The following DOT1L variants were observed in gnomAD, a reference collection of about 807,000 sequenced individuals.
DOT1L encodes the protein histone-lysine N-methyltransferase, H3 lysine-79 specific.
A neutral mutation model predicts 153.3 loss-of-function variants in DOT1L; 33 were observed. The observed-to-expected ratio is 0.22, with a 90% CI of 0.16 to 0.29. The LOEUF is 0.29. DOT1L is among the 10% of genes least tolerant of loss of function. The pLI is 1.00. For synonymous variants in DOT1L, 1,135 were observed against 965.1 expected (o/e 1.18, Z -3.26); for missense variants, 1,847 against 2,119.9 (o/e 0.87, Z 2.53).
intron 2 of DOT1L, among the ~76,000 whole-genome samples, chr19:2,181,927 T>C (rs1260378944): frequency 1.3e-5 from 2 of 152,106 alleles, no homozygotes; most frequent in Admixed American, 1.3e-4. Flanking sequence ...GGGCAGTCTT[T>C]TTAAGAATGC....
intron 2 of DOT1L, among the ~76,000 whole-genome samples, chr19:2,182,625 G>A (rs1489596674): frequency 2.0e-5 from 3 of 152,182 alleles, no homozygotes; most frequent in Non-Finnish European, 4.4e-5. Flanking sequence ...TGGTCTCTCT[G>A]GGTTAGGATC....
chr19:2,207,776 C>T lies in DOT1L; in HGVS notation c.963+96C>T, dbSNP rs946764123. On this transcript the variant is annotated intron_variant, in intron 11 of 27. Coordinates refer to ENST00000398665, the MANE Select transcript of DOT1L (RefSeq NM_032482.3). The surrounding 1 kb of genome is among the most constrained non-coding windows in gnomAD (Gnocchi z 4.5). ...CTCCTTTCTCATGTGGCCTCTGAGA[C>T]CCTCCCCTCAGAGCCCTCAACGCCC... 2.6e-6 allele frequency: 3 copies of T among 1,168,934 alleles called. No homozygotes were observed. Among genetic ancestry groups the T allele is most frequent in the African/African-American group, 1.5e-5 (1 of 65,248 alleles). 72.4% of individuals were successfully genotyped at this position (1,168,934 alleles called of 1,614,324 possible).
intron 1 of DOT1L, among the ~76,000 whole-genome samples, chr19:2,171,717 C>A (rs532957916): frequency 6.6e-6 from 1 of 152,312 alleles, no homozygotes; most frequent in Non-Finnish European, 1.5e-5. Context: ...TCCGGCAGGC[C>A]CTGGCCAAGA....
intron 19 of DOT1L, chr19:2,215,442 C>CG (rs1314829601): frequency 6.6e-6 from 1 of 152,280 alleles, no homozygotes; most frequent in Non-Finnish European, 1.5e-5. Context: ...CAGCAGGTCA[C>CG]GGGCTTTGTT....
chr19:2,226,989 G>C lies in DOT1L; in HGVS notation c.4468G>C (p.Gly1490Arg), dbSNP rs925877630. ...GCAGGCCAACCTCGGCTCCGTGGCC[G>C]GCTCCTCCGTGCTGCAGTCGCTGTT... ...SLQANLGSVA[G>R]SSVLQSLFSS... The change falls in exon 27 of 28, where the codon GGC becomes CGC. Residue 1490 changes from glycine (G) to arginine (R), a missense_variant. Gly to Arg is a moderately radical substitution (Grantham distance 125). This residue lies in a region of DOT1L where 934 missense variants were observed against 825.3 expected (regional missense o/e 1.13). Coordinates refer to ENST00000398665, the MANE Select transcript of DOT1L (RefSeq NM_032482.3). The C allele has an allele frequency of 6.3e-7, 1 of 1,591,420 alleles. No individual in the cohort carries two copies. The highest frequency in any genetic ancestry group is 8.5e-7 in the Non-Finnish European group (1 of 1,176,614).
intron 9 of DOT1L, among the ~76,000 whole-genome samples, 199 bp from the exon 10 acceptor site, chr19:2,206,530 A>AG (rs976464627): frequency 6.6e-6 from 1 of 151,876 alleles, no homozygotes; most frequent in African/African-American, 2.4e-5. Context: ...TCAAAAAAAA[A>AG]AAAAAAAAAA....
At chr19:2,168,828 C>T (rs1339447898) in intron 1 of DOT1L, among the ~76,000 whole-genome samples, 1 of 152,148 alleles carries the variant, frequency 6.6e-6, no homozygotes, top group East Asian at 1.9e-4. Context: ...GTTGGCCAGG[C>T]TGGTCTCGAA....
rs569295808 is a variant in DOT1L, at chr19:2,228,269, G to A, written c.4606+1142G>A. On this transcript the variant is annotated intron_variant, in intron 27 of 27. Transcript: ENST00000398665. The stretch of plus-strand genomic sequence containing the variant: ...CCGGGATCCCACAGGCCAGCGCCAC[G>A]GGGCCGTCCGCGGTGTGGGTGTCCC... 30 of 1,359,446 alleles carry A rather than the reference G, an allele frequency of 2.2e-5. No individual in the cohort carries two copies. In the Admixed American group the frequency reaches 4.2e-4, roughly 19 times the overall value. 84.2% of individuals were successfully genotyped at this position (1,359,446 alleles called of 1,614,324 possible). A position where few individuals can be genotyped will look rare whatever the true frequency, so the allele number is the denominator to read the frequency against.
Position 2,207,449 on chromosome 19 carries a change from T to C in DOT1L, c.857-125T>C, listed in dbSNP as rs2144814195. 2 of 754,346 alleles carry C rather than the reference T, an allele frequency of 2.7e-6. No homozygotes were observed. Among genetic ancestry groups the C allele is most frequent in the Non-Finnish European group, 4.2e-6 (2 of 473,128 alleles). 46.7% of individuals were successfully genotyped at this position (754,346 alleles called of 1,614,324 possible). On this transcript the variant is annotated intron_variant, in intron 10 of 27. Coordinates refer to ENST00000398665, the MANE Select transcript of DOT1L (RefSeq NM_032482.3). The surrounding 1 kb of genome is among the most constrained non-coding windows in gnomAD (Gnocchi z 4.5). ...TGTGGGCCACTGTGGCCTGACGCAG[T>C]GTGGGAGAAGAGGGAAGACGCGCAG...
rs988913924 is a variant in DOT1L, at chr19:2,191,483, G to C, written c.493+243G>C. Among the ~76,000 whole-genome samples, 5 of 152,092 alleles carry C rather than the reference G, an allele frequency of 3.3e-5. No individual in the cohort carries two copies. The highest frequency in any genetic ancestry group is 1.2e-4 in the African/African-American group (5 of 41,394). On this transcript the variant is annotated intron_variant, in intron 5 of 27. Coordinates refer to ENST00000398665, the MANE Select transcript of DOT1L (RefSeq NM_032482.3). This position sits in a 1 kb window ranked among gnomAD's most constrained non-coding sequence, Gnocchi z 6.8. ...CTCCCAGACCAGGCCCATCCTCCCA[G>C]GTGCCCGGAGACTCTGCTTTCGTCC...
rs746907863 is a variant in DOT1L, at chr19:2,193,800, G to T, written c.588+17G>T. On this transcript the variant is annotated intron_variant, in intron 6 of 27. Coordinates refer to ENST00000398665, the MANE Select transcript of DOT1L (RefSeq NM_032482.3). The surrounding 1 kb of genome is among the most constrained non-coding windows in gnomAD (Gnocchi z 5.9). Reference sequence around the variant, plus strand: ...TATGCGGAGGTGAGCGGATCTGAGGGCCAGGGTGTGTTGGAGGCAGGGGAC... The same window carrying T: ...TATGCGGAGGTGAGCGGATCTGAGGTCCAGGGTGTGTTGGAGGCAGGGGAC... 2.3e-5 allele frequency: 37 copies of T among 1,611,362 alleles called. No individual in the cohort carries two copies. Among genetic ancestry groups the T allele is most frequent in the Non-Finnish European group, 3.1e-5 (37 of 1,178,492 alleles).
intron 22 of DOT1L, among the ~76,000 whole-genome samples, chr19:2,219,740 C>T (rs1222841037): frequency 6.6e-6 from 1 of 152,170 alleles, no homozygotes; most frequent in Admixed American, 6.5e-5. Context: ...GCCCTCCTCA[C>T]CCCACCCGAC....
At chr19:2,195,617 G>A (rs1450716341) in intron 7 of DOT1L, among the ~76,000 whole-genome samples, 1 of 152,060 alleles carries the variant, frequency 6.6e-6, no homozygotes, top group East Asian at 1.9e-4. Flanking sequence ...GAGCCTCAGA[G>A]CCCGCAGCCC....
At chr19:2,199,072 G>A (rs2023139008) in intron 7 of DOT1L, among the ~76,000 whole-genome samples, 1 of 152,248 alleles carries the variant, frequency 6.6e-6, no homozygotes, top group East Asian at 1.9e-4. Flanking sequence ...CCTGGGAATG[G>A]AGGTGGTAGT....
chr19:2,176,820 C>T (rs1240303556), intron 1 of DOT1L, among the ~76,000 whole-genome samples: 2 of 152,208 alleles, frequency 1.3e-5, no homozygotes, highest in Non-Finnish European at 2.9e-5. Flanking sequence ...CAGATGATCA[C>T]TGGGGAAGAC....
At chr19:2,219,097 CCTG>C (rs747425437) in intron 22 of DOT1L, among the ~76,000 whole-genome samples, 44 of 152,220 alleles carry the variant, frequency 2.9e-4, no homozygotes, top group Non-Finnish European at 3.7e-4. Context: ...GTCTCAAACT[CCTG>C]ACCTCAGGTG....
intron 1 of DOT1L, among the ~76,000 whole-genome samples, chr19:2,177,413 C>T (rs757318721): frequency 2.0e-5 from 3 of 152,166 alleles, no homozygotes; most frequent in Non-Finnish European, 2.9e-5. Context: ...TCTCCTCTCT[C>T]AGCCTCCCTA....
At chr19:2,187,839 G>A (rs539356748) in intron 3 of DOT1L, among the ~76,000 whole-genome samples, 91 of 151,514 alleles carry the variant, frequency 6.0e-4, no homozygotes, top group Non-Finnish European at 4.0e-4. Flanking sequence ...GGAGAATGGT[G>A]TGAACCCGGG....
At chr19:2,219,298 G>A (rs1243008360) in intron 22 of DOT1L, among the ~76,000 whole-genome samples, 1 of 152,152 alleles carries the variant, frequency 6.6e-6, no homozygotes, top group Non-Finnish European at 1.5e-5. Context: ...GTCAGCCCCC[G>A]TGCCCGGCCG....
Sources: gnomAD v4.1 joint callset for allele counts (sites outside exome capture counted in the v4.1 genomes callset) on GRCh38, gnomAD v4.1.1 for gene constraint, gnomAD v4.1.1 regional missense constraint, Gnocchi (gnomAD v3.1) non-coding constraint, MANE v1.5 for transcripts, NCBI Gene and HGNC (gene_info 2026-07-23, HGNC 2026-07-21) for gene names.